SPNS3: variants seen among roughly 807,000 people sequenced by gnomAD.
SPNS3 encodes protein spinster homolog 3.
Under a neutral mutation model 54.4 loss-of-function variants are expected in SPNS3, and 51 were observed. The observed-to-expected ratio is 0.94, with a 90% CI of 0.75 to 1.18. The LOEUF is 1.18. SPNS3 is among the 50% of genes most tolerant of loss of function. The pLI, the probability that SPNS3 is intolerant of heterozygous loss-of-function variation, is 0.00. For missense variants in SPNS3, 669 were observed against 677.4 expected (o/e 0.99, Z 0.14); for synonymous variants, 309 against 294.7 (o/e 1.05, Z -0.50).
At chr17:4,440,825 G>A (rs1043293408) in intron 2 of SPNS3, among the ~76,000 whole-genome samples, 1 of 152,190 alleles carries the variant, frequency 6.6e-6, no homozygotes, top group Non-Finnish European at 1.5e-5. Flanking sequence ...GGCTACAAGC[G>A]CAGGCAAGGA....
chr17:4,458,580 C>T (rs1487438531), intron 8 of SPNS3, among the ~76,000 whole-genome samples: 1,033 of 57,440 alleles, frequency 0.018, 19 homozygotes, highest in Non-Finnish European at 0.034. Flanking sequence ...TTTCTTTCTT[C>T]CTTCCCTCCT....
Position 4,453,056 on chromosome 17 carries a change from G to A in SPNS3, c.964G>A (p.Gly322Arg). 1 of 1,614,008 alleles carries A rather than the reference G, an allele frequency of 6.2e-7. No homozygotes were observed. Among genetic ancestry groups the A allele is most frequent in the Middle Eastern group, 1.7e-4 (1 of 6,060 alleles). The change falls in exon 8 of 12, where the codon GGG (glycine) becomes AGG (arginine). Residue 322 changes from glycine (G) to arginine (R), a missense_variant. Gly to Arg is a moderately radical substitution (Grantham distance 125). Coordinates refer to ENST00000355530, the MANE Select transcript of SPNS3 (RefSeq NM_182538.5). The stretch of plus-strand genomic sequence containing the variant: ...ACTGACCATCATGACCGGCGTCATT[G>A]GGGTCATCTTGGGGGCAGAAGCTGC... ...GALTIMTGVI[G>R]VILGAEAARR...
intron 8 of SPNS3, among the ~76,000 whole-genome samples, chr17:4,455,917 T>TGGGGGGGG (rs10531598): frequency 1.3e-5 from 2 of 150,854 alleles, no homozygotes; most frequent in African/African-American, 4.9e-5. Context: ...CTGCCCTCTG[T>TGGGGGGGG]GGGGGGGGGG....
chr17:4,445,996 G>A, intron 3 of SPNS3, 52 bp from the exon 4 acceptor site: 1 of 1,548,160 alleles, frequency 6.5e-7, no homozygotes, highest in Non-Finnish European at 8.8e-7. Flanking sequence ...CGGGTCCCTG[G>A]CCCTATGGGT....
intron 8 of SPNS3, among the ~76,000 whole-genome samples, chr17:4,467,674 A>T (rs554567573): frequency 2.6e-5 from 4 of 152,240 alleles, no homozygotes; most frequent in South Asian, 2.1e-4. Flanking sequence ...TAATTAAATT[A>T]ATTTATTTAT....
Position 4,445,164 on chromosome 17 carries a change from C to G in SPNS3, c.398C>G (p.Pro133Arg), listed in dbSNP as rs200883298. 1.6e-4 allele frequency: 257 copies of G among 1,612,370 alleles called. 1 individual carries two copies. In the East Asian group the frequency reaches 2.9e-3, roughly 18 times the overall value. The part of the protein sequence containing the change: ...GAGLSSSFIS[P>R]RYSWLFFLSR... ...GGCCTCTCTAGCTCCTTCATCTCCCCCCGGGTACGTGTCCATGCCCCTGTC... is the reference window on the plus strand; with the variant it reads ...GGCCTCTCTAGCTCCTTCATCTCCCGCCGGGTACGTGTCCATGCCCCTGTC... The change falls in exon 3 of 12, where the codon CCC becomes CGC. Residue 133 changes from proline (P) to arginine (R), a missense_variant. Transcript: ENST00000355530.
intron 5 of SPNS3, among the ~76,000 whole-genome samples, chr17:4,447,683 G>A (rs1416915453): frequency 2.6e-5 from 4 of 152,286 alleles, no homozygotes; most frequent in South Asian, 4.1e-4. Context: ...CTGTTTGAAG[G>A]CTGCCCCAAG....
At chr17:4,484,734 C>G (rs1300657194) in intron 9 of SPNS3, among the ~76,000 whole-genome samples, 8 of 152,016 alleles carry the variant, frequency 5.3e-5, no homozygotes, top group Non-Finnish European at 1.0e-4. Context: ...CATGTGGTCT[C>G]TGCTTGAGTC....
chr17:4,472,952 C>A (rs746327249), intron 8 of SPNS3, among the ~76,000 whole-genome samples: 18 of 151,422 alleles, frequency 1.2e-4, no homozygotes, highest in Non-Finnish European at 2.1e-4. Context: ...CCATGCCTGG[C>A]TAATTTTAAA....
intron 11 of SPNS3, among the ~76,000 whole-genome samples, 186 bp from the exon 12 acceptor site, chr17:4,487,620 C>A (rs1355137011): frequency 6.6e-6 from 1 of 152,250 alleles, no homozygotes; most frequent in Non-Finnish European, 1.5e-5. Context: ...GCCGACTCCC[C>A]TTCCAGGGGA....
chr17:4,487,076 G>T (rs1408384832), intron 11 of SPNS3, among the ~76,000 whole-genome samples: 4 of 151,034 alleles, frequency 2.6e-5, no homozygotes, highest in Non-Finnish European at 4.4e-5. Flanking sequence ...GGAGGCTGAG[G>T]CAGGAGAATC....
chr17:4,446,535 C>A lies in SPNS3; in HGVS notation c.554+336C>A. 7 of 506,008 alleles carry A rather than the reference C, an allele frequency of 1.4e-5. No homozygotes were observed. In the South Asian group the frequency reaches 1.5e-4, roughly 11 times the overall value. 31.3% of individuals were successfully genotyped at this position (506,008 alleles called of 1,614,324 possible). ...CGTGTTAGGGCCAGGCCCTGCACCC[C>A]ACAACAGGCTAGGCCAGAGCAGGAT... is the stretch of plus-strand genomic sequence containing the variant. On this transcript the variant is annotated intron_variant, in intron 4 of 11. Coordinates refer to ENST00000355530, the MANE Select transcript of SPNS3 (RefSeq NM_182538.5).
chr17:4,442,393 T>C (rs143666030), intron 2 of SPNS3, among the ~76,000 whole-genome samples: 16,164 of 151,796 alleles, frequency 0.11, 1,025 homozygotes, highest in African/African-American at 0.18. Flanking sequence ...ATTAGCCAGG[T>C]GTGGTGGCAG....
intron 8 of SPNS3, among the ~76,000 whole-genome samples, chr17:4,461,361 C>CTTTTCTTTTT (rs1971498511): frequency 3.0e-5 from 1 of 33,394 alleles, no homozygotes; most frequent in African/African-American, 9.9e-5. Context: ...CTTTTCTTTT[C>CTTTTCTTTTT]TTTTTTTTTT....
intron 8 of SPNS3, among the ~76,000 whole-genome samples, chr17:4,469,419 G>A (rs901319302): frequency 6.6e-6 from 1 of 152,052 alleles, no homozygotes; most frequent in Non-Finnish European, 1.5e-5. Context: ...AATTGGGCCG[G>A]GTGCCCAATG....
chr17:4,439,237 C>T (rs1399038880), intron 1 of SPNS3, among the ~76,000 whole-genome samples: 1 of 152,020 alleles, frequency 6.6e-6, no homozygotes, highest in African/African-American at 2.4e-5. Context: ...AATTCTCCTG[C>T]CTCAGCCTCC....
chr17:4,446,827 G>A (rs1052757890), intron 4 of SPNS3, 69 bp from the exon 5 acceptor site: 17 of 1,479,464 alleles, frequency 1.1e-5, no homozygotes, highest in Non-Finnish European at 1.6e-5. Flanking sequence ...CCCTGGGTCA[G>A]GCTGGTGGTG....
At chr17:4,446,018 C>T (rs778703531) in intron 3 of SPNS3, 30 bp from the exon 4 acceptor site, 6 of 1,573,584 alleles carry the variant, frequency 3.8e-6, no homozygotes, top group Non-Finnish European at 5.2e-6. Flanking sequence ...ATTTCTGGAA[C>T]TCACCGTGGT....
intron 5 of SPNS3, 143 bp from the exon 6 acceptor site, chr17:4,448,012 C>T: frequency 1.4e-6 from 1 of 697,336 alleles, no homozygotes. Context: ...TACCAGCATC[C>T]AGGAATCAGG....
Sources: allele counts gnomAD v4.1 joint callset (sites outside exome capture counted in the v4.1 genomes callset), GRCh38; gene constraint gnomAD v4.1.1; transcripts MANE v1.5; gene names NCBI Gene and HGNC (gene_info 2026-07-23, HGNC 2026-07-21).